HMGB1: variants seen among roughly 807,000 people sequenced by gnomAD.
The protein encoded by HMGB1 is high mobility group protein B1.
For synonymous variants in HMGB1, 81 were observed against 84.0 expected, an observed-to-expected ratio of 0.96 and a Z score of 0.19; for missense variants, 79 against 253.5, an observed-to-expected ratio of 0.31 and a Z score of 4.67.
chr13:30,593,434 C>A (rs1871454694), intron 1 of HMGB1, among the ~76,000 whole-genome samples: 1 of 152,136 alleles, frequency 6.6e-6, no homozygotes. Flanking sequence ...CAGAAAGATA[C>A]CACTGGCTTT....
rs2137390711 is a variant in HMGB1, at chr13:30,461,006, T to A, written c.*351A>T. 1 of 759,184 alleles carries A rather than the reference T, an allele frequency of 1.3e-6. No homozygotes were observed. Among genetic ancestry groups the A allele is most frequent in the South Asian group, 6.0e-5 (1 of 16,532 alleles). The allele number at this position is 759,184 out of a possible 1,614,324, so 47.0% of individuals were successfully genotyped here. A position where few individuals can be genotyped will look rare whatever the true frequency, so the allele number is the denominator to read the frequency against. ...TGGTATTCAGTTAACAGAACAACAA[T>A]TATTTCGTATAAGCTGCATCAGAGA... On this transcript the variant is annotated 3_prime_UTR_variant, in exon 5 of 5. Transcript: ENST00000341423.
rs1305773874 is a variant in HMGB1 at position 30,460,781 on chromosome 13, C to A, written c.*576G>T. 1 of 153,624 alleles carries A rather than the reference C, an allele frequency of 6.5e-6. No homozygotes were observed. Among genetic ancestry groups the A allele is most frequent in the Non-Finnish European group, 1.4e-5 (1 of 69,064 alleles). 9.5% of individuals were successfully genotyped at this position (153,624 alleles called of 1,614,324 possible). On this transcript the variant is annotated 3_prime_UTR_variant, in exon 5 of 5. Transcript: ENST00000341423. ...TAGACAAAAGCTTTTTATTAGCTAA[C>A]TATATGAAAGGATAAACACTGTAAT... is the stretch of plus-strand genomic sequence containing the variant.
chr13:30,580,630 C>G (rs1051462582), intron 1 of HMGB1, among the ~76,000 whole-genome samples: 5 of 152,162 alleles, frequency 3.3e-5, no homozygotes, highest in Non-Finnish European at 7.3e-5. Flanking sequence ...GGCAGGAAAA[C>G]AGATACCAAT....
At chr13:30,534,613 C>T (rs7993867) in intron 1 of HMGB1, among the ~76,000 whole-genome samples, 11,353 of 142,850 alleles carry the variant, frequency 0.079, 622 homozygotes, top group East Asian at 0.17. Flanking sequence ...ATGGTTCAAG[C>T]TGCTTTTTTT....
At chr13:30,464,787 G>C (rs1368900784) in intron 1 of HMGB1, 1 of 229,114 alleles carries the variant, frequency 4.4e-6, no homozygotes, top group South Asian at 1.6e-4. Flanking sequence ...GTGTGTGTGT[G>C]TATGAGAGAG....
At chr13:30,580,248 A>G (rs994324943) in intron 1 of HMGB1, among the ~76,000 whole-genome samples, 3 of 152,270 alleles carry the variant, frequency 2.0e-5, no homozygotes, top group African/African-American at 4.8e-5. Context: ...TCAAAAAGAA[A>G]TATAAGTTCT....
chr13:30,594,405 G>C (rs1392940036), intron 1 of HMGB1, among the ~76,000 whole-genome samples: 1 of 152,058 alleles, frequency 6.6e-6, no homozygotes, highest in Non-Finnish European at 1.5e-5. Context: ...GGAGTTCCCA[G>C]TGTCTACTGT....
At chr13:30,545,373 A>C (rs1037139385) in intron 1 of HMGB1, among the ~76,000 whole-genome samples, 7 of 150,482 alleles carry the variant, frequency 4.7e-5, no homozygotes, top group Middle Eastern at 3.5e-3. Flanking sequence ...GAATATTATT[A>C]TTATTAATAT....
Position 30,456,828 on chromosome 13 carries a change from A to ACTC in HMGB1, c.*4526_*4528dup, listed in dbSNP as rs1886011563. On this transcript the variant is annotated 3_prime_UTR_variant, in exon 5 of 5. Transcript: ENST00000341423. ...AAATGTTAAATGCAAATGTCTTTTG[A>ACTC]CTCAGCAGTTCTACTTTTGAGGTAT... The ACTC allele has an allele frequency of 2.2e-5, 3 of 134,844 alleles. No individual in the cohort carries two copies. The highest frequency in any genetic ancestry group is 4.2e-4 in the East Asian group (2 of 4,770). 8.4% of individuals were successfully genotyped at this position (134,844 alleles called of 1,614,324 possible).
At chr13:30,486,482 A>ACTG (rs1031508605) in intron 1 of HMGB1, among the ~76,000 whole-genome samples, 1 of 152,206 alleles carries the variant, frequency 6.6e-6, no homozygotes, top group Non-Finnish European at 1.5e-5. Flanking sequence ...TGGAAAATCT[A>ACTG]CTGCTGCCAC....
At chr13:30,549,593 C>T (rs1869326456) in intron 1 of HMGB1, among the ~76,000 whole-genome samples, 1 of 152,026 alleles carries the variant, frequency 6.6e-6, no homozygotes, top group African/African-American at 2.4e-5. Context: ...CAGGGCTTCA[C>T]TATGTTGCCC....
chr13:30,511,652 GTTTTTCCTTT>G (rs1190742793), intron 1 of HMGB1, among the ~76,000 whole-genome samples: 1 of 152,190 alleles, frequency 6.6e-6, no homozygotes, highest in Non-Finnish European at 1.5e-5. Flanking sequence ...ATTGAACGCA[GTTTTTCCTTT>G]TGGGATTTTG....
intron 1 of HMGB1, among the ~76,000 whole-genome samples, chr13:30,509,190 G>A (rs1041835907): frequency 6.6e-6 from 1 of 151,720 alleles, no homozygotes; most frequent in Non-Finnish European, 1.5e-5. Context: ...CTTCCTCCTC[G>A]GCCTCTCAAA....
At chr13:30,584,529 T>A (rs1003880745) in intron 1 of HMGB1, among the ~76,000 whole-genome samples, 5 of 152,232 alleles carry the variant, frequency 3.3e-5, no homozygotes, top group Admixed American at 2.0e-4. Flanking sequence ...AGAGACTGTT[T>A]CATTCCTGTA....
intron 1 of HMGB1, among the ~76,000 whole-genome samples, chr13:30,564,173 C>T (rs1400736101): frequency 6.6e-6 from 1 of 151,198 alleles, no homozygotes; most frequent in Non-Finnish European, 1.5e-5. Flanking sequence ...TGGCTCATGC[C>T]TGTAATCCCA....
intron 1 of HMGB1, among the ~76,000 whole-genome samples, chr13:30,603,406 T>TA (rs1950422916): frequency 6.6e-6 from 1 of 152,186 alleles, no homozygotes. Flanking sequence ...TCTTTACTAT[T>TA]AATACCCTTT....
intron 1 of HMGB1, among the ~76,000 whole-genome samples, chr13:30,555,042 T>TTG (rs1555240551): frequency 1.5e-5 from 2 of 135,382 alleles, no homozygotes; most frequent in South Asian, 2.6e-4. Flanking sequence ...TGTTTTTTTT[T>TTG]TTTTTTTTTT....
At chr13:30,616,603 G>A (rs1311271564) in intron 1 of HMGB1, 1 of 152,118 alleles carries the variant, frequency 6.6e-6, no homozygotes, top group Non-Finnish European at 1.5e-5. Context: ...AACCTAACTA[G>A]CTAGATCTTA....
intron 1 of HMGB1, among the ~76,000 whole-genome samples, chr13:30,549,310 C>T (rs969542280): frequency 1.3e-5 from 2 of 152,084 alleles, no homozygotes; most frequent in Non-Finnish European, 2.9e-5. Flanking sequence ...GAATGTCTGA[C>T]CAGATTGGGG....
Sources: gnomAD v4.1 joint callset for allele counts (sites outside exome capture counted in the v4.1 genomes callset) on GRCh38, gnomAD v4.1.1 for gene constraint, MANE v1.5 for transcripts, NCBI Gene and HGNC (gene_info 2026-07-23, HGNC 2026-07-21) for gene names.